The following KCNK10 variants were observed in gnomAD, a reference collection of about 807,000 sequenced individuals.
KCNK10 encodes the protein potassium channel subfamily K member 10.
A neutral mutation model predicts 47.7 loss-of-function variants in KCNK10; 25 were observed. The observed-to-expected ratio is 0.52, with a 90% CI of 0.38 to 0.73. The LOEUF is 0.73. Among genes scored for constraint, KCNK10 ranks in the 30% least tolerant of loss-of-function variants. The pLI is 0.00. For missense variants in KCNK10, 563 were observed against 714.5 expected (o/e 0.79, Z 2.42); for synonymous variants, 303 against 285.6 (o/e 1.06, Z -0.61).
chr14:88,256,372 G>A (rs963048358), intron 2 of KCNK10, among the ~76,000 whole-genome samples: 3 of 152,214 alleles, frequency 2.0e-5, no homozygotes, highest in South Asian at 2.1e-4. Flanking sequence ...TGAGCCCACC[G>A]GGTCCCTCAG....
intron 4 of KCNK10, among the ~76,000 whole-genome samples, chr14:88,209,036 G>A (rs1885372251): frequency 6.6e-6 from 1 of 152,128 alleles, no homozygotes; most frequent in South Asian, 2.1e-4. Flanking sequence ...ACAAATAATG[G>A]AGGAAACATC....
intron 1 of KCNK10, among the ~76,000 whole-genome samples, chr14:88,267,523 A>C (rs1887295584): frequency 6.6e-6 from 1 of 151,710 alleles, no homozygotes; most frequent in South Asian, 2.1e-4. Flanking sequence ...GGCGTGCACC[A>C]CCATGCCCGG....
At chr14:88,326,515 G>T, upstream of KCNK10, 1 of 1,362,476 alleles carries the variant, frequency 7.3e-7, no homozygotes, top group Non-Finnish European at 1.0e-6. Context: ...AACTTCCATG[G>T]CTATTGCTTC....
chr14:88,245,051 C>T (rs1171567037), intron 2 of KCNK10, among the ~76,000 whole-genome samples: 1 of 152,116 alleles, frequency 6.6e-6, no homozygotes, highest in African/African-American at 2.4e-5. Context: ...CTGGCATTTC[C>T]AGCACCCACT....
chr14:88,278,249 A>G (rs559207973), intron 1 of KCNK10, among the ~76,000 whole-genome samples: 1 of 152,310 alleles, frequency 6.6e-6, no homozygotes, highest in Non-Finnish European at 1.5e-5. Flanking sequence ...CTATACTGGT[A>G]CAGAAGTTGG....
At chr14:88,288,840 C>G (rs987419681) in intron 1 of KCNK10, among the ~76,000 whole-genome samples, 1 of 152,210 alleles carries the variant, frequency 6.6e-6, no homozygotes, top group African/African-American at 2.4e-5. Context: ...GTAGCTCCCT[C>G]TCAGTGCTCA....
chr14:88,325,284 T>C (rs1194493844), upstream of KCNK10, among the ~76,000 whole-genome samples: 2 of 152,210 alleles, frequency 1.3e-5, no homozygotes, highest in African/African-American at 2.4e-5. Context: ...GTCACTGCAA[T>C]ACAATGTTTT....
chr14:88,302,513 C>A (rs1595129716), intron 1 of KCNK10, among the ~76,000 whole-genome samples: 1 of 152,280 alleles, frequency 6.6e-6, no homozygotes, highest in East Asian at 1.9e-4. Flanking sequence ...AGTTCAAGAC[C>A]AGTCTGGCCA....
chr14:88,223,495 T>G (rs2139867620), intron 4 of KCNK10, among the ~76,000 whole-genome samples: 1 of 152,222 alleles, frequency 6.6e-6, no homozygotes, highest in African/African-American at 2.4e-5. Context: ...CTCAGAGGAA[T>G]GAGAGGTCCC....
intron 1 of KCNK10, among the ~76,000 whole-genome samples, chr14:88,271,394 T>C (rs897792631): frequency 6.6e-6 from 1 of 152,058 alleles, no homozygotes; most frequent in Non-Finnish European, 1.5e-5. Flanking sequence ...ACTATTGTGG[T>C]TTTTTCCCAT....
At chr14:88,215,824 G>C (rs1350575283) in intron 4 of KCNK10, among the ~76,000 whole-genome samples, 1 of 152,112 alleles carries the variant, frequency 6.6e-6, no homozygotes, top group Non-Finnish European at 1.5e-5. Flanking sequence ...CGCTATCCAG[G>C]CAGTATTTTA....
At chr14:88,203,178 C>A (rs768814812) in intron 4 of KCNK10, among the ~76,000 whole-genome samples, 4 of 152,188 alleles carry the variant, frequency 2.6e-5, no homozygotes, top group African/African-American at 4.8e-5. Flanking sequence ...CAGCAGCATC[C>A]AGGGGCCACC....
rs1053261066 is a variant in KCNK10, at chr14:88,181,813, G to T, written c.*3722C>A. On this transcript the variant is annotated 3_prime_UTR_variant, in exon 7 of 7. Coordinates refer to ENST00000319231, the MANE Select transcript of KCNK10 (RefSeq NM_138317.3). ...TTATAATTTAATCTTAATAAATTTT[G>T]TGAACTCATGGACTAGGGAGTGTTT... 1 of 152,230 alleles carries T rather than the reference G, an allele frequency of 6.6e-6. No homozygotes were observed. Among genetic ancestry groups the T allele is most frequent in the African/African-American group, 2.4e-5 (1 of 41,392 alleles). 9.4% of individuals were successfully genotyped at this position (152,230 alleles called of 1,614,324 possible). A position where few individuals can be genotyped will look rare whatever the true frequency, so the allele number is the denominator to read the frequency against.
Position 88,263,266 on chromosome 14 carries a change from T to C in KCNK10, c.338A>G (p.Glu113Gly). The change falls in exon 2 of 7, where the codon GAG becomes GGG. Residue 113 changes from glutamate (E) to glycine (G), a missense_variant. Coordinates refer to ENST00000319231, the MANE Select transcript of KCNK10 (RefSeq NM_138317.3). ...ATGATCCCGCAGGAATTCCGCCTTC[T>C]CCAAGGCGATGGTATTCTTCTGGCT... ...ESSQKNTIAL[E>G]KAEFLRDHVC... The C allele has an allele frequency of 6.2e-7, 1 of 1,614,166 alleles. No homozygotes were observed. The highest frequency in any genetic ancestry group is 1.1e-5 in the South Asian group (1 of 91,078).
intron 4 of KCNK10, among the ~76,000 whole-genome samples, chr14:88,210,258 C>T (rs1392172113): frequency 6.6e-6 from 1 of 152,218 alleles, no homozygotes; most frequent in African/African-American, 2.4e-5. Context: ...TCAGAGCCTG[C>T]CTGCCCTAGC....
chr14:88,300,296 C>G (rs556221724), intron 1 of KCNK10, among the ~76,000 whole-genome samples: 1 of 152,226 alleles, frequency 6.6e-6, no homozygotes, highest in African/African-American at 2.4e-5. Flanking sequence ...ACTTCTCATT[C>G]TTATCCATCT....
At chr14:88,249,129 A>G (rs1041472395) in intron 2 of KCNK10, among the ~76,000 whole-genome samples, 5 of 152,204 alleles carry the variant, frequency 3.3e-5, no homozygotes, top group Non-Finnish European at 5.9e-5. Flanking sequence ...CAACATAGAG[A>G]AGTCATAATT....
chr14:88,195,940 C>T (rs552541844), intron 4 of KCNK10, among the ~76,000 whole-genome samples: 2 of 152,284 alleles, frequency 1.3e-5, no homozygotes, highest in South Asian at 4.1e-4. Flanking sequence ...GTAAGCAGAG[C>T]CGCTAGCAGA....
At chr14:88,233,027 G>A (rs1886198851) in intron 3 of KCNK10, among the ~76,000 whole-genome samples, 1 of 152,208 alleles carries the variant, frequency 6.6e-6, no homozygotes, top group African/African-American at 2.4e-5. Flanking sequence ...GTCACTAGCT[G>A]TGGAGGTCAG....
Sources: allele counts gnomAD v4.1 joint callset (sites outside exome capture counted in the v4.1 genomes callset), GRCh38; gene constraint gnomAD v4.1.1; transcripts MANE v1.5; gene names NCBI Gene and HGNC (gene_info 2026-07-23, HGNC 2026-07-21).